GRAMD4: variants seen among roughly 807,000 people sequenced by gnomAD.
The protein encoded by GRAMD4 is GRAM domain containing 4.
In GRAMD4, 25 loss-of-function variants were observed where a neutral mutation model predicts 83.9. The observed-to-expected ratio is 0.30, with a 90% CI of 0.22 to 0.42. The LOEUF is 0.42. Ranked by LOEUF, GRAMD4 falls within the 10% of genes least tolerant of loss-of-function variation. The probability of loss-of-function intolerance (pLI) is 1.00; values close to 1 mark genes in which losing one functional copy is unlikely to be tolerated. For synonymous variants in GRAMD4, 336 were observed against 320.9 expected (o/e 1.05, Z -0.50); for missense variants, 593 against 788.7 (o/e 0.75, Z 2.97).
chr22:46,679,120 G>A lies in GRAMD4; in HGVS notation c.*1869G>A, dbSNP rs1254387838. 1 of 985,538 alleles carries A rather than the reference G, an allele frequency of 1.0e-6. No homozygotes were observed. The highest frequency in any genetic ancestry group is 1.2e-6 in the Non-Finnish European group (1 of 829,972). 61.0% of individuals were successfully genotyped at this position (985,538 alleles called of 1,614,324 possible). ...CCCCAGGGGCGGCTGCAGAGGCAGT[G>A]CCCGCAGACAATGGCCACACCTCTC... On this transcript the variant is annotated 3_prime_UTR_variant, in exon 19 of 19. Coordinates refer to ENST00000406902, the MANE Select transcript of GRAMD4 (RefSeq NM_015124.5).
rs1043615207 is a variant in GRAMD4 at position 46,594,884 on chromosome 22, G to T, written c.-50+17594G>T. ...CTCTGGAGTGGCTCCAGCCCGGCCAGCACTAAGTTTTGCTGTCTGTGGTTT... is the reference window on the plus strand; with the variant it reads ...CTCTGGAGTGGCTCCAGCCCGGCCATCACTAAGTTTTGCTGTCTGTGGTTT... On this transcript the variant is annotated intron_variant, in intron 1 of 1. Transcript: ENST00000431155. Among the ~76,000 whole-genome samples, 53 of 152,212 alleles carry T rather than the reference G, an allele frequency of 3.5e-4. 1 individual carries two copies. Among genetic ancestry groups the T allele is most frequent in the Admixed American group, 1.8e-3 (28 of 15,302 alleles).
intron 3 of GRAMD4, among the ~76,000 whole-genome samples, chr22:46,651,214 T>G (rs2542019): frequency 0.071 from 10,815 of 152,292 alleles, 811 homozygotes; most frequent in African/African-American, 0.19. Flanking sequence ...AGGTTCTAGG[T>G]TCCGACTCAC....
At position 46,677,538 on chromosome 22, in the gene GRAMD4, A is replaced by G. The variant is rs2082617694; in HGVS notation, c.*287A>G. 8.4e-7 allele frequency: 1 copy of G among 1,184,018 alleles called. No homozygotes were observed. The allele number at this position is 1,184,018 out of a possible 1,614,324, so 73.3% of individuals were successfully genotyped here. A position where few individuals can be genotyped will look rare whatever the true frequency, so the allele number is the denominator to read the frequency against. ...AGGCCCTCGGGGGCCCGTGGAGAAGACACACAGGACCCCTGGCCCTGCCCT... is the reference window on the plus strand; with the variant it reads ...AGGCCCTCGGGGGCCCGTGGAGAAGGCACACAGGACCCCTGGCCCTGCCCT... On this transcript the variant is annotated 3_prime_UTR_variant, in exon 19 of 19. Coordinates refer to ENST00000406902, the MANE Select transcript of GRAMD4 (RefSeq NM_015124.5).
chr22:46,611,996 C>CAA (rs61392000), intron 1 of GRAMD4, among the ~76,000 whole-genome samples: 520 of 50,138 alleles, frequency 0.01, 62 homozygotes, highest in African/African-American at 0.039. Context: ...GACTCCATCT[C>CAA]AAAAAAAAAA....
chr22:46,663,074 G>A lies in GRAMD4; in HGVS notation c.501G>A (p.Gln167=), dbSNP rs1300257421. 1 of 1,612,328 alleles carries A rather than the reference G, an allele frequency of 6.2e-7. No individual in the cohort carries two copies. Among genetic ancestry groups the A allele is most frequent in the Admixed American group, 1.7e-5 (1 of 60,020 alleles). The change falls in exon 6 of 19, where the codon CAG becomes CAA. Residue 167 remains glutamine, a synonymous_variant. Coordinates refer to ENST00000406902, the MANE Select transcript of GRAMD4 (RefSeq NM_015124.5). The stretch of plus-strand genomic sequence containing the variant: ...GCCAGGGGCTGTCCTCGCGCCTGCA[G>A]AAGTGGTTCTACGAGCGGTTTGGGG... ...RRSQGLSSRL[Q]KWFYERFGEY... is the part of the protein sequence containing the mutation.
chr22:46,643,906 A>G (rs2082027081), intron 3 of GRAMD4, among the ~76,000 whole-genome samples: 2 of 152,158 alleles, frequency 1.3e-5, no homozygotes, highest in Non-Finnish European at 2.9e-5. Context: ...AATCGTTTCC[A>G]TGGTTCCAAA....
At chr22:46,635,547 G>A (rs71311626) in intron 2 of GRAMD4, among the ~76,000 whole-genome samples, 10 of 30,002 alleles carry the variant, frequency 3.3e-4, no homozygotes, top group Non-Finnish European at 3.2e-4. Flanking sequence ...GTCCTGGGAG[G>A]CCGTGTCCTC....
At chr22:46,579,117 G>C (rs925205111) in intron 1 of GRAMD4, among the ~76,000 whole-genome samples, 1 of 152,256 alleles carries the variant, frequency 6.6e-6, no homozygotes, top group East Asian at 1.9e-4. Context: ...GCACGGGAAA[G>C]TCTCCAAGTT....
At chr22:46,617,339 T>C (rs912017837), upstream of GRAMD4, among the ~76,000 whole-genome samples, 2 of 150,784 alleles carry the variant, frequency 1.3e-5, no homozygotes, top group African/African-American at 4.9e-5. Context: ...AGCATGTAGG[T>C]TCCCCCGTGT....
chr22:46,681,477 C>T (rs1165465522), downstream of GRAMD4, among the ~76,000 whole-genome samples: 2 of 152,206 alleles, frequency 1.3e-5, no homozygotes, highest in African/African-American at 2.4e-5. Context: ...ATGCATTTTA[C>T]CTTACTCAGC....
At chr22:46,671,833 C>T (rs973476865) in intron 13 of GRAMD4, among the ~76,000 whole-genome samples, 3 of 151,856 alleles carry the variant, frequency 2.0e-5, no homozygotes, top group Admixed American at 6.6e-5. Context: ...GACTCTGTCT[C>T]AAAAAAAAGA....
chr22:46,614,387 C>A (rs2081448636), intron 1 of GRAMD4, among the ~76,000 whole-genome samples: 1 of 152,242 alleles, frequency 6.6e-6, no homozygotes, highest in African/African-American at 2.4e-5. Flanking sequence ...TGTGTGAGGT[C>A]TGTAGCCGTT....
At position 46,674,727 on chromosome 22, in the gene GRAMD4, C is replaced by T. The variant is rs140274659; in HGVS notation, c.1455C>T (p.Asn485=). Residue 485 remains asparagine (N), a synonymous_variant, in exon 16 of 19, where the codon AAC becomes AAT. Coordinates refer to ENST00000406902, the MANE Select transcript of GRAMD4 (RefSeq NM_015124.5). The part of the protein sequence containing the change: ...DRKMPTDYIR[N]GVLYVTENYL... The stretch of plus-strand genomic sequence containing the variant: ...AGATGCCCACGGACTACATCAGGAA[C>T]GGGGTGCTCTACGTCACGGAGAAGT... The T allele has an allele frequency of 3.2e-4, 511 of 1,611,464 alleles. No individual in the cohort carries two copies. The African/African-American group carries it at 3.9e-3, about 12-fold the overall frequency.
intron 1 of GRAMD4, among the ~76,000 whole-genome samples, chr22:46,623,463 T>C (rs1261740495): frequency 2.0e-5 from 3 of 151,986 alleles, no homozygotes; most frequent in Non-Finnish European, 2.9e-5. Flanking sequence ...TCTCGGCTCA[T>C]TGCAAGCTCC....
intron 4 of GRAMD4, among the ~76,000 whole-genome samples, chr22:46,658,620 G>A (rs1163016554): frequency 6.6e-6 from 1 of 152,120 alleles, no homozygotes; most frequent in Non-Finnish European, 1.5e-5. Flanking sequence ...CATGGGGCCT[G>A]CAGAGCCCCA....
intron 1 of GRAMD4, among the ~76,000 whole-genome samples, chr22:46,579,370 C>T (rs183250494): frequency 2.6e-5 from 4 of 152,312 alleles, no homozygotes; most frequent in East Asian, 1.9e-4. Flanking sequence ...GAATCAGAGC[C>T]GGTTTTCCTG....
At chr22:46,577,017 C>G (rs2147878471), upstream of GRAMD4, 2 of 145,910 alleles carry the variant, frequency 1.4e-5, no homozygotes, top group Admixed American at 1.4e-4. Flanking sequence ...CGGGGTGGCG[C>G]GCGGGGCGCG....
chr22:46,615,583 G>A (rs112322185), upstream of GRAMD4, among the ~76,000 whole-genome samples: 754 of 112,372 alleles, frequency 6.7e-3, 2 homozygotes, highest in African/African-American at 0.025. Context: ...TCCCCTGTGC[G>A]TGTAGGTTCC....
At chr22:46,643,188 C>CGTGG in intron 3 of GRAMD4, among the ~76,000 whole-genome samples, 1 of 76,006 alleles carries the variant, frequency 1.3e-5, no homozygotes, top group South Asian at 5.1e-4. Flanking sequence ...TCCATCCATC[C>CGTGG]ATCCATCCAT....
Sources: gnomAD v4.1 joint callset for allele counts (sites outside exome capture counted in the v4.1 genomes callset) on GRCh38, gnomAD v4.1.1 for gene constraint, MANE v1.5 for transcripts, NCBI Gene and HGNC (gene_info 2026-07-23, HGNC 2026-07-21) for gene names.